The following IGF2BP2 variants were observed in gnomAD, a reference collection of about 807,000 sequenced individuals.
IGF2BP2 encodes insulin-like growth factor 2 mRNA-binding protein 2.
In IGF2BP2, 17 loss-of-function variants were observed where a neutral mutation model predicts 75.8. The ratio of observed to expected loss-of-function variants is 0.22; its 90% CI spans 0.15 to 0.34. The LOEUF (loss-of-function observed/expected upper bound fraction) is 0.34, where lower values mean the gene tolerates loss of function less well. Among genes scored for constraint, IGF2BP2 ranks in the 10% least tolerant of loss-of-function variants. The pLI, the probability that IGF2BP2 is intolerant of heterozygous loss-of-function variation, is 1.00. For synonymous variants in IGF2BP2, 288 were observed against 295.6 expected, an observed-to-expected ratio of 0.97 and a Z score of 0.26; for missense variants, 516 against 772.4, an observed-to-expected ratio of 0.67 and a Z score of 3.93.
At chr3:185,728,161 T>C (rs1560369432) in intron 2 of IGF2BP2, 2 of 152,346 alleles carry the variant, frequency 1.3e-5, no homozygotes, top group Non-Finnish European at 1.5e-5. Flanking sequence ...GCAAAGTTAC[T>C]GCTGCCCGCT....
At chr3:185,666,054 A>ATAGC (rs1717571840) in intron 10 of IGF2BP2, among the ~76,000 whole-genome samples, 1 of 150,016 alleles carries the variant, frequency 6.7e-6, no homozygotes, top group Non-Finnish European at 1.5e-5. Flanking sequence ...AGATAGATAG[A>ATAGC]TAGAGGAACT....
At position 185,645,746 on chromosome 3, in the gene IGF2BP2, ATCTACCCACCCCC is replaced by A; in HGVS notation, c.1708-136_1708-124del. 1.4e-6 allele frequency: 1 copy of A among 710,048 alleles called. No homozygotes were observed. The highest frequency in any genetic ancestry group is 1.6e-5 in the South Asian group (1 of 61,522). 44.0% of individuals were successfully genotyped at this position (710,048 alleles called of 1,614,324 possible). On this transcript the variant is annotated intron_variant, in intron 15 of 15. Transcript: ENST00000382199. This position sits in a 1 kb window ranked among gnomAD's most constrained non-coding sequence, Gnocchi z 4.9. ...AGGGTGGAATGCTCAGACAAGCATC[ATCTACCCACCCCC>A]GCACGTTACTCCAGGCCCTTTTCTG...
chr3:185,753,746 G>T (rs1195430970), intron 2 of IGF2BP2, among the ~76,000 whole-genome samples: 1 of 152,144 alleles, frequency 6.6e-6, no homozygotes, highest in East Asian at 1.9e-4. Flanking sequence ...TTGGATGTGT[G>T]TCCCCTCCAA....
chr3:185,772,754 G>A (rs1311564664), intron 2 of IGF2BP2, among the ~76,000 whole-genome samples: 5 of 151,782 alleles, frequency 3.3e-5, no homozygotes, highest in Non-Finnish European at 7.4e-5. Flanking sequence ...GCTAATTTTT[G>A]TATTTTTAGT....
intron 2 of IGF2BP2, among the ~76,000 whole-genome samples, chr3:185,710,025 A>G (rs1361998399): frequency 1.3e-5 from 2 of 152,216 alleles, no homozygotes; most frequent in African/African-American, 4.8e-5. Flanking sequence ...GGGGTACAGT[A>G]GTGAACAGAA....
intron 7 of IGF2BP2, among the ~76,000 whole-genome samples, chr3:185,680,880 CTT>C (rs1198544600): frequency 1.3e-5 from 2 of 152,122 alleles, no homozygotes; most frequent in Non-Finnish European, 2.9e-5. Context: ...ATTTGACAAA[CTT>C]AACACCCTTT....
At chr3:185,771,197 T>C (rs1165145509) in intron 2 of IGF2BP2, among the ~76,000 whole-genome samples, 1 of 152,118 alleles carries the variant, frequency 6.6e-6, no homozygotes, top group Non-Finnish European at 1.5e-5. Flanking sequence ...CTCAGCACTT[T>C]GGGAGGGCGA....
intron 2 of IGF2BP2, among the ~76,000 whole-genome samples, chr3:185,756,293 A>C (rs2149667837): frequency 6.6e-6 from 1 of 152,316 alleles, no homozygotes; most frequent in East Asian, 1.9e-4. Context: ...GAAGCCAGGC[A>C]GATGCTAGCA....
rs902102651 is a variant in IGF2BP2, at chr3:185,643,246, A to C, written c.*2285T>G. ...CTAGTGAGCTTCCCGTGGAGGCGTGAAGTGCCTCTTCCCGGAACTGCCGGG... is the reference window on the plus strand; with the variant it reads ...CTAGTGAGCTTCCCGTGGAGGCGTGCAGTGCCTCTTCCCGGAACTGCCGGG... On this transcript the variant is annotated 3_prime_UTR_variant, in exon 16 of 16. Coordinates refer to ENST00000382199, the MANE Select transcript of IGF2BP2 (RefSeq NM_006548.6). Among the ~76,000 whole-genome samples the C allele has an allele frequency of 6.6e-6, 1 of 152,142 alleles. No homozygotes were observed. Among genetic ancestry groups the C allele is most frequent in the African/African-American group, 2.4e-5 (1 of 41,420 alleles).
intron 2 of IGF2BP2, among the ~76,000 whole-genome samples, chr3:185,701,352 C>A: frequency 1.5e-5 from 2 of 130,210 alleles, no homozygotes; most frequent in East Asian, 2.1e-4. Flanking sequence ...TTAAAGTATA[C>A]TGGAACCTGC....
rs1722621175 is a variant in IGF2BP2, at chr3:185,696,692, G to A, written c.289-29C>T. On this transcript the variant is annotated intron_variant, in intron 3 of 15. Coordinates refer to ENST00000382199, the MANE Select transcript of IGF2BP2 (RefSeq NM_006548.6). ...AAAGAGAAAGCTTCCATGTCAGAAT[G>A]GGAAGGCAAGATCATATGTACAAAA... is the stretch of plus-strand genomic sequence containing the variant. The A allele has an allele frequency of 1.9e-6, 3 of 1,594,438 alleles. No homozygotes were observed. In the East Asian group the frequency reaches 6.7e-5, roughly 36 times the overall value.
At chr3:185,793,198 T>C (rs774954941) in intron 2 of IGF2BP2, among the ~76,000 whole-genome samples, 12 of 152,108 alleles carry the variant, frequency 7.9e-5, no homozygotes, top group Non-Finnish European at 1.6e-4. Context: ...AAAAAAGGTG[T>C]GGTGTGGCAG....
chr3:185,790,944 C>G (rs1736565605), intron 2 of IGF2BP2, among the ~76,000 whole-genome samples: 1 of 152,164 alleles, frequency 6.6e-6, no homozygotes, highest in South Asian at 2.1e-4. Flanking sequence ...AAGGACAATT[C>G]TGAATAATTT....
chr3:185,799,576 G>A (rs1318632122), intron 2 of IGF2BP2, among the ~76,000 whole-genome samples: 1 of 151,980 alleles, frequency 6.6e-6, no homozygotes, highest in Non-Finnish European at 1.5e-5. Context: ...GTGAAACCCC[G>A]TCTCTACTAA....
At chr3:185,804,124 G>A (rs916527718) in intron 2 of IGF2BP2, among the ~76,000 whole-genome samples, 1 of 152,126 alleles carries the variant, frequency 6.6e-6, no homozygotes, top group African/African-American at 2.4e-5. Flanking sequence ...AGGCGTGGTG[G>A]CATGTGCCTG....
intron 10 of IGF2BP2, among the ~76,000 whole-genome samples, chr3:185,672,042 T>A (rs561565321): frequency 6.6e-6 from 1 of 152,354 alleles, no homozygotes; most frequent in Admixed American, 6.5e-5. Flanking sequence ...CCAGGCATTG[T>A]GCTAAGTGTT....
intron 10 of IGF2BP2, among the ~76,000 whole-genome samples, chr3:185,662,543 CTTTTT>C (rs1172808795): frequency 8.9e-6 from 1 of 112,646 alleles, no homozygotes; most frequent in Non-Finnish European, 1.8e-5. Context: ...CCTTCCCATA[CTTTTT>C]TTTTTTTTTT....
At chr3:185,775,210 C>A (rs548454824) in intron 2 of IGF2BP2, among the ~76,000 whole-genome samples, 2 of 152,284 alleles carry the variant, frequency 1.3e-5, no homozygotes, top group East Asian at 3.9e-4. Flanking sequence ...TACAACAATA[C>A]CTGCCTTGTG....
intron 1 of IGF2BP2, among the ~76,000 whole-genome samples, chr3:185,823,938 T>C (rs1374810639): frequency 2.0e-5 from 3 of 151,796 alleles, no homozygotes; most frequent in African/African-American, 7.3e-5. Context: ...GTCGCCTCTT[T>C]CCCGGTTCTC....
Sources: gnomAD v4.1 joint callset for allele counts (sites outside exome capture counted in the v4.1 genomes callset) on GRCh38, gnomAD v4.1.1 for gene constraint, Gnocchi (gnomAD v3.1) non-coding constraint, MANE v1.5 for transcripts, NCBI Gene and HGNC (gene_info 2026-07-23, HGNC 2026-07-21) for gene names.